Variants in PRRG4 observed in about 807,000 individuals in gnomAD.
The protein encoded by PRRG4 is transmembrane gamma-carboxyglutamic acid protein 4.
Under a neutral mutation model 20.0 loss-of-function variants are expected in PRRG4, and 12 were observed. The ratio of observed to expected loss-of-function variants is 0.60; its 90% CI spans 0.38 to 0.97. The LOEUF (loss-of-function observed/expected upper bound fraction) is 0.97. Among genes scored for constraint, PRRG4 ranks in the 50% least tolerant of loss-of-function variants. The probability of loss-of-function intolerance (pLI) is 0.00; values close to 1 mark genes in which losing one functional copy is unlikely to be tolerated. For synonymous variants in PRRG4, 94 were observed against 96.4 expected (o/e 0.98, Z 0.15); for missense variants, 199 against 265.1 (o/e 0.75, Z 1.73).
intron 2 of PRRG4, among the ~76,000 whole-genome samples, chr11:32,834,152 C>T (rs1307654522): frequency 6.6e-6 from 1 of 152,092 alleles, no homozygotes; most frequent in Non-Finnish European, 1.5e-5. Flanking sequence ...GGCTCTTACT[C>T]TGCAGGGGGT....
chr11:32,832,541 C>T (rs1007206422), intron 2 of PRRG4, among the ~76,000 whole-genome samples: 2 of 134,250 alleles, frequency 1.5e-5, no homozygotes, highest in South Asian at 2.5e-4. Flanking sequence ...AGTGCAGTGG[C>T]GTGATCACGG....
chr11:32,830,419 T>C, intron 1 of PRRG4, 89 bp from the exon 2 acceptor site: 1 of 1,110,980 alleles, frequency 9.0e-7, no homozygotes, highest in Non-Finnish European at 1.2e-6. Flanking sequence ...AGGCTTTGAG[T>C]ACAACAGGTT....
At chr11:32,844,467 C>CTAT (rs148170116) in intron 5 of PRRG4, among the ~76,000 whole-genome samples, 1,906 of 143,120 alleles carry the variant, frequency 0.013, 18 homozygotes, top group South Asian at 0.025. Context: ...TAAATGTTAG[C>CTAT]TATTATTATT....
At chr11:32,843,271 C>G (rs1590673650) in intron 5 of PRRG4, among the ~76,000 whole-genome samples, 1 of 151,968 alleles carries the variant, frequency 6.6e-6, no homozygotes, top group African/African-American at 2.4e-5. Flanking sequence ...AAGATTTTAT[C>G]CTGTTTTTTG....
chr11:32,841,257 T>C (rs1437114141), intron 5 of PRRG4, among the ~76,000 whole-genome samples: 4 of 152,306 alleles, frequency 2.6e-5, no homozygotes, highest in Non-Finnish European at 2.9e-5. Flanking sequence ...TCCAAAAGAA[T>C]AGAAAGTATT....
chr11:32,837,531 TG>T (rs1565113808), intron 3 of PRRG4, among the ~76,000 whole-genome samples: 19 of 110,004 alleles, frequency 1.7e-4, no homozygotes, highest in African/African-American at 5.7e-4. Flanking sequence ...ATGATGATGA[TG>T]ATGATGATGA....
chr11:32,843,133 G>A (rs1421387127), intron 5 of PRRG4, among the ~76,000 whole-genome samples: 11 of 152,182 alleles, frequency 7.2e-5, no homozygotes, highest in East Asian at 3.9e-4. Flanking sequence ...ATGAGCCACC[G>A]TGCCCAGCCA....
rs1030161016 is a variant in PRRG4, at chr11:32,857,589, A to G, written c.*4062A>G. 1.3e-5 allele frequency: 2 copies of G among 152,216 alleles called. No homozygotes were observed. Among genetic ancestry groups the G allele is most frequent in the African/African-American group, 4.8e-5 (2 of 41,460 alleles). The allele number at this position is 152,216 out of a possible 1,614,324, so 9.4% of individuals were successfully genotyped here. A position where few individuals can be genotyped will look rare whatever the true frequency, so the allele number is the denominator to read the frequency against. ...CTAAAATTCTAATCCATATTTTTCTACTTCTCAGATAATTTATGTGTGTGT... is the reference window on the plus strand; with the variant it reads ...CTAAAATTCTAATCCATATTTTTCTGCTTCTCAGATAATTTATGTGTGTGT... On this transcript the variant is annotated 3_prime_UTR_variant, in exon 6 of 6. Coordinates refer to ENST00000257836, the MANE Select transcript of PRRG4 (RefSeq NM_024081.6).
intron 4 of PRRG4, among the ~76,000 whole-genome samples, chr11:32,839,809 A>G (rs1851060336): frequency 6.8e-6 from 1 of 146,786 alleles, no homozygotes; most frequent in Admixed American, 6.8e-5. Flanking sequence ...TATAAATAGT[A>G]TATTTTAAAT....
rs377186590 is a variant in PRRG4, at chr11:32,838,950, A to C, written c.316+20A>C. The stretch of plus-strand genomic sequence containing the variant: ...AATCAGGTAAAACAAGAATTGATCA[A>C]ATTTAATGCTTTTCTCATCCTCTCT... On this transcript the variant is annotated intron_variant, in intron 4 of 5. Coordinates refer to ENST00000257836, the MANE Select transcript of PRRG4 (RefSeq NM_024081.6). The C allele has an allele frequency of 6.4e-7, 1 of 1,565,332 alleles. No homozygotes were observed. Among genetic ancestry groups the C allele is most frequent in the Non-Finnish European group, 8.8e-7 (1 of 1,136,138 alleles).
chr11:32,839,116 A>G (rs1475204657), intron 4 of PRRG4, among the ~76,000 whole-genome samples, 186 bp downstream of exon 4: 2 of 152,226 alleles, frequency 1.3e-5, no homozygotes, highest in African/African-American at 4.8e-5. Context: ...TAATACACTG[A>G]AAATCAAGTT....
chr11:32,849,947 T>C (rs535979181), intron 5 of PRRG4, among the ~76,000 whole-genome samples: 12 of 152,356 alleles, frequency 7.9e-5, no homozygotes, highest in African/African-American at 2.6e-4. Context: ...AGCAGACCTC[T>C]ATTCATTTCC....
intron 2 of PRRG4, among the ~76,000 whole-genome samples, chr11:32,831,411 T>A (rs1468344955): frequency 6.6e-6 from 1 of 152,186 alleles, no homozygotes; most frequent in Non-Finnish European, 1.5e-5. Flanking sequence ...CTCAGCTCAT[T>A]TTCATTTGGG....
intron 5 of PRRG4, among the ~76,000 whole-genome samples, chr11:32,852,308 G>A (rs772445939): frequency 6.6e-6 from 1 of 152,158 alleles, no homozygotes; most frequent in African/African-American, 2.4e-5. Context: ...GAGAAGGCAC[G>A]GGACTTAGAA....
chr11:32,845,162 C>T (rs1258319722), intron 5 of PRRG4, among the ~76,000 whole-genome samples: 2 of 152,116 alleles, frequency 1.3e-5, no homozygotes, highest in African/African-American at 4.8e-5. Flanking sequence ...TCCACATCAC[C>T]TGCTGTTGCT....
chr11:32,836,970 C>G, intron 3 of PRRG4, 149 bp downstream of exon 3: 1 of 615,072 alleles, frequency 1.6e-6, no homozygotes, highest in Non-Finnish European at 2.8e-6. Flanking sequence ...GGTAATTAAC[C>G]TATTTAGACT....
chr11:32,829,870 C>A (rs560518008), upstream of PRRG4: 3 of 985,514 alleles, frequency 3.0e-6, no homozygotes, highest in East Asian at 1.1e-4. Flanking sequence ...CAGGTAGGCC[C>A]GGCCCCCGGG....
chr11:32,832,612 C>A (rs1850984151), intron 2 of PRRG4, among the ~76,000 whole-genome samples: 1 of 151,520 alleles, frequency 6.6e-6, no homozygotes, highest in Admixed American at 6.6e-5. Flanking sequence ...TCCCGAGTAG[C>A]TGGGATTACA....
At chr11:32,839,662 T>A (rs913482866) in intron 4 of PRRG4, among the ~76,000 whole-genome samples, 2 of 133,354 alleles carry the variant, frequency 1.5e-5, no homozygotes, top group Non-Finnish European at 3.2e-5. Context: ...ATATAAGTAT[T>A]ATATTTTGAA....
Sources: allele counts gnomAD v4.1 joint callset (sites outside exome capture counted in the v4.1 genomes callset), GRCh38; gene constraint gnomAD v4.1.1; transcripts MANE v1.5; gene names NCBI Gene and HGNC (gene_info 2026-07-23, HGNC 2026-07-21).